The following TTC39B variants were observed in gnomAD, a reference collection of about 807,000 sequenced individuals.
The protein encoded by TTC39B is tetratricopeptide repeat protein 39B.
In TTC39B, 92 loss-of-function variants were observed where a neutral mutation model predicts 96.6. The ratio of observed to expected loss-of-function variants is 0.95; its 90% CI spans 0.80 to 1.13. The LOEUF is 1.13. TTC39B is among the 50% of genes most tolerant of loss of function. The pLI is 0.00. For missense variants in TTC39B, 955 were observed against 809.3 expected, an observed-to-expected ratio of 1.18 and a Z score of -2.18; for synonymous variants, 367 against 299.4, an observed-to-expected ratio of 1.23 and a Z score of -2.33.
exon 12 of TTC39B, chr9:15,189,757 G>A (rs369233965): frequency 5.0e-6 from 8 of 1,613,608 alleles, no homozygotes; most frequent in South Asian, 4.4e-5. Flanking sequence ...GGTGCCAGGA[G>A]ACGCTCTGCT....
chr9:15,185,619 C>G, intron 15 of TTC39B: 1 of 537,336 alleles, frequency 1.9e-6, no homozygotes, highest in Non-Finnish European at 3.1e-6. Flanking sequence ...TTTTGATAAG[C>G]CCTCCAGGTG....
At chr9:15,197,770 T>C (rs540307852) in intron 8 of TTC39B, among the ~76,000 whole-genome samples, 1 of 151,708 alleles carries the variant, frequency 6.6e-6, no homozygotes, top group Non-Finnish European at 1.5e-5. Context: ...ACATTATATA[T>C]AGGGGAACAA....
intron 1 of TTC39B, among the ~76,000 whole-genome samples, chr9:15,294,853 G>A (rs1200837337): frequency 2.0e-5 from 3 of 152,170 alleles, no homozygotes; most frequent in African/African-American, 7.2e-5. Context: ...GGCCCCCCAC[G>A]ATAAGCGCTG....
intron 2 of TTC39B, among the ~76,000 whole-genome samples, chr9:15,254,165 TA>T (rs76887121): frequency 7.0e-4 from 102 of 144,906 alleles, no homozygotes; most frequent in Admixed American, 1.0e-3. Context: ...AAACCAGCAT[TA>T]AAAAAAAAAA....
chr9:15,229,096 G>C (rs1016548803), intron 2 of TTC39B, among the ~76,000 whole-genome samples: 1 of 152,120 alleles, frequency 6.6e-6, no homozygotes, highest in Admixed American at 6.6e-5. Flanking sequence ...GTACTGTCTA[G>C]TGTTTTAAGA....
chr9:15,185,996 A>G lies in TTC39B; in HGVS notation c.1488-590T>C, dbSNP rs191744071. ...ACCATGTTTAGAAACTTCCTTTTAA[A>G]ATTCTACAGAATTCCAATTATGAAA... is the stretch of plus-strand genomic sequence containing the variant. On this transcript the variant is annotated intron_variant, in intron 15 of 19. Coordinates refer to ENST00000512701, the Ensembl canonical transcript of TTC39B. Among the ~76,000 whole-genome samples, 17 of 152,330 alleles carry G rather than the reference A, an allele frequency of 1.1e-4. No individual in the cohort carries two copies. In the South Asian group the frequency reaches 2.1e-3, roughly 19 times the overall value.
At chr9:15,245,544 G>T (rs887620049) in intron 2 of TTC39B, among the ~76,000 whole-genome samples, 3 of 152,068 alleles carry the variant, frequency 2.0e-5, no homozygotes, top group African/African-American at 7.2e-5. Context: ...TTAAGGAGGG[G>T]TGATGGCAAA....
At chr9:15,198,059 GA>G (rs1819278092) in intron 8 of TTC39B, among the ~76,000 whole-genome samples, 1 of 152,114 alleles carries the variant, frequency 6.6e-6, no homozygotes, top group South Asian at 2.1e-4. Context: ...AAAATGGTAA[GA>G]ATATGGGTAA....
exon 19 of TTC39B, chr9:15,175,033 G>C (rs557200013): frequency 6.2e-7 from 1 of 1,613,294 alleles, no homozygotes; most frequent in African/African-American, 1.3e-5. Context: ...CAGTTTCTAG[G>C]AACTTTATGG....
At chr9:15,250,267 C>A in intron 2 of TTC39B, 1 of 949,026 alleles carries the variant, frequency 1.1e-6, no homozygotes, top group Non-Finnish European at 1.3e-6. Flanking sequence ...TCTGCTGCAG[C>A]CTAATTCTAA....
intron 2 of TTC39B, among the ~76,000 whole-genome samples, chr9:15,260,300 G>T (rs1822899172): frequency 1.4e-5 from 2 of 147,558 alleles, no homozygotes; most frequent in Non-Finnish European, 1.5e-5. Context: ...TCCTTCCTTA[G>T]GAATATATAA....
chr9:15,209,633 C>T (rs568623531), intron 6 of TTC39B, among the ~76,000 whole-genome samples: 1 of 152,152 alleles, frequency 6.6e-6, no homozygotes, highest in Non-Finnish European at 1.5e-5. Flanking sequence ...TTTTAAAATG[C>T]ATGAATCCAT....
chr9:15,216,004 C>A (rs543541941), intron 3 of TTC39B, among the ~76,000 whole-genome samples: 5 of 152,350 alleles, frequency 3.3e-5, no homozygotes, highest in African/African-American at 1.2e-4. Flanking sequence ...AGTGACTCTT[C>A]TAGCACGAAT....
chr9:15,290,525 G>A (rs908172423), intron 1 of TTC39B, among the ~76,000 whole-genome samples: 2 of 152,120 alleles, frequency 1.3e-5, no homozygotes, highest in Non-Finnish European at 2.9e-5. Flanking sequence ...ATCTTCACAG[G>A]TATGGGACAA....
chr9:15,218,213 G>A (rs1329357395), intron 3 of TTC39B, among the ~76,000 whole-genome samples: 1 of 149,102 alleles, frequency 6.7e-6, no homozygotes, highest in African/African-American at 2.5e-5. Flanking sequence ...TTTTGCAAGA[G>A]GCTCATCAGC....
At chr9:15,214,413 A>G (rs867071724) in intron 3 of TTC39B, among the ~76,000 whole-genome samples, 164 bp from the exon 4 acceptor site, 12 of 151,888 alleles carry the variant, frequency 7.9e-5, no homozygotes, top group African/African-American at 2.4e-4. Context: ...CTGGTTATAC[A>G]TAGGAAAAAA....
chr9:15,304,849 T>C (rs1824707823), intron 1 of TTC39B, among the ~76,000 whole-genome samples: 1 of 152,166 alleles, frequency 6.6e-6, no homozygotes, highest in Non-Finnish European at 1.5e-5. Context: ...ACCTCCAGGC[T>C]AGTACAGGGC....
chr9:15,306,962 C>T lies in TTC39B; in HGVS notation c.240+122G>A. 7.0e-7 allele frequency: 1 copy of T among 1,429,676 alleles called. No individual in the cohort carries two copies. The allele number at this position is 1,429,676 out of a possible 1,614,324, so 88.6% of individuals were successfully genotyped here. A position where few individuals can be genotyped will look rare whatever the true frequency, so the allele number is the denominator to read the frequency against. On this transcript the variant is annotated intron_variant, in intron 1 of 19. Coordinates refer to ENST00000512701, the Ensembl canonical transcript of TTC39B. This position sits in a 1 kb window ranked among gnomAD's most constrained non-coding sequence, Gnocchi z 5.1. ...GGCGCCCCCACCCGGCGCCCGCCAG[C>T]CCACCCCAGAGAGGGGACCAAGGGG...
chr9:15,234,045 G>C (rs563876518), intron 2 of TTC39B, among the ~76,000 whole-genome samples: 1 of 134,784 alleles, frequency 7.4e-6, no homozygotes, highest in East Asian at 2.2e-4. Context: ...CTGACCCGCC[G>C]CCCCGTCTGG....
Sources: gnomAD v4.1 joint callset for allele counts (sites outside exome capture counted in the v4.1 genomes callset) on GRCh38, gnomAD v4.1.1 for gene constraint, Gnocchi (gnomAD v3.1) non-coding constraint, MANE v1.5 for transcripts, NCBI Gene and HGNC (gene_info 2026-07-23, HGNC 2026-07-21) for gene names.